PYM1: variants seen among roughly 807,000 people sequenced by gnomAD.
PYM1 encodes the protein partner of Y14 and mago.
A neutral mutation model predicts 20.7 loss-of-function variants in PYM1; 7 were observed. That is an observed-to-expected ratio of 0.34 (90% CI 0.19 to 0.64). The LOEUF (loss-of-function observed/expected upper bound fraction) is 0.64, where lower values mean the gene tolerates loss of function less well. Among genes scored for constraint, PYM1 ranks in the 30% least tolerant of loss-of-function variants. The probability of loss-of-function intolerance (pLI) is 0.74; values close to 1 mark genes in which losing one functional copy is unlikely to be tolerated. For missense variants in PYM1, 194 were observed against 250.0 expected (o/e 0.78, Z 1.51); for synonymous variants, 100 against 99.2 (o/e 1.01, Z -0.05).
At chr12:55,912,216 G>A (rs1352934598) in intron 1 of PYM1, among the ~76,000 whole-genome samples, 1 of 151,812 alleles carries the variant, frequency 6.6e-6, no homozygotes, top group Non-Finnish European at 1.5e-5. Flanking sequence ...GCTGGGCATG[G>A]TGGTGCATGC....
intron 1 of PYM1, among the ~76,000 whole-genome samples, chr12:55,922,472 C>T (rs897816665): frequency 9.1e-6 from 1 of 110,496 alleles, no homozygotes; most frequent in Admixed American, 9.6e-5. Flanking sequence ...AAAAAATTAG[C>T]TGGTCATGAT....
chr12:55,918,289 A>G (rs976830842), intron 1 of PYM1, among the ~76,000 whole-genome samples: 1 of 151,776 alleles, frequency 6.6e-6, no homozygotes, highest in African/African-American at 2.4e-5. Flanking sequence ...TTTAGTAGAG[A>G]TGGGGTTTCA....
intron 1 of PYM1, among the ~76,000 whole-genome samples, chr12:55,926,110 C>A (rs965555432): frequency 2.6e-5 from 4 of 152,194 alleles, no homozygotes; most frequent in African/African-American, 9.7e-5. Flanking sequence ...CTTCTACAGA[C>A]TACAGACTAC....
At chr12:55,923,591 AATG>A (rs1287361071) in intron 1 of PYM1, among the ~76,000 whole-genome samples, 1 of 151,854 alleles carries the variant, frequency 6.6e-6, no homozygotes, top group African/African-American at 2.4e-5. Context: ...AAACTAATGA[AATG>A]ATGTATGGAT....
chr12:55,906,679 G>A (rs995935498), intron 1 of PYM1, among the ~76,000 whole-genome samples: 4 of 151,828 alleles, frequency 2.6e-5, no homozygotes, highest in Non-Finnish European at 4.4e-5. Flanking sequence ...ATGGAGTTTC[G>A]CTCTTGTTGC....
chr12:55,912,790 C>T (rs1165988324), intron 1 of PYM1, among the ~76,000 whole-genome samples: 1 of 151,722 alleles, frequency 6.6e-6, no homozygotes, highest in East Asian at 1.9e-4. Flanking sequence ...CATGGAGAAA[C>T]CCCATTTCTA....
At chr12:55,904,218 C>T (rs557777692) in intron 1 of PYM1, among the ~76,000 whole-genome samples, 9 of 151,932 alleles carry the variant, frequency 5.9e-5, no homozygotes, top group Non-Finnish European at 8.8e-5. Flanking sequence ...CCGCCCGCCT[C>T]GGCCTCCCAA....
At chr12:55,919,892 CA>C (rs34105681) in intron 1 of PYM1, among the ~76,000 whole-genome samples, 1 of 146,770 alleles carries the variant, frequency 6.8e-6, no homozygotes, top group Admixed American at 6.8e-5. Context: ...GACTCCGTCT[CA>C]AAAAAAAAAG....
At chr12:55,918,027 G>A (rs777466200) in intron 1 of PYM1, among the ~76,000 whole-genome samples, 1 of 151,476 alleles carries the variant, frequency 6.6e-6, no homozygotes, top group Non-Finnish European at 1.5e-5. Flanking sequence ...CTGGGTGATG[G>A]GATCACTCAT....
intron 1 of PYM1, among the ~76,000 whole-genome samples, chr12:55,905,137 G>T (rs1240917205): frequency 6.6e-6 from 1 of 150,716 alleles, no homozygotes; most frequent in Non-Finnish European, 1.5e-5. Context: ...GAGTAGCTGG[G>T]ACTACAGGCG....
intron 1 of PYM1, among the ~76,000 whole-genome samples, chr12:55,908,167 C>T (rs1882857905): frequency 6.6e-6 from 1 of 151,798 alleles, no homozygotes; most frequent in Non-Finnish European, 1.5e-5. Context: ...CACTTGAACC[C>T]GGGAGGTGGA....
intron 1 of PYM1, among the ~76,000 whole-genome samples, chr12:55,907,463 CAAAA>C (rs770960966): frequency 1.9e-5 from 1 of 52,000 alleles, no homozygotes; most frequent in Non-Finnish European, 4.3e-5. Context: ...TACATAAATA[CAAAA>C]AAAAAAAAAA....
At chr12:55,913,191 A>G (rs949634581) in intron 1 of PYM1, among the ~76,000 whole-genome samples, 4 of 152,166 alleles carry the variant, frequency 2.6e-5, no homozygotes, top group Admixed American at 2.6e-4. Flanking sequence ...CTTTCTGTGC[A>G]CTCGCAGCAC....
chr12:55,912,730 G>A (rs193299598), intron 1 of PYM1, among the ~76,000 whole-genome samples: 95 of 152,126 alleles, frequency 6.2e-4, no homozygotes, highest in African/African-American at 2.0e-3. Flanking sequence ...TTTGGGAGGC[G>A]GAGGCGGGTG....
At chr12:55,922,199 C>G (rs1002803528) in intron 1 of PYM1, among the ~76,000 whole-genome samples, 1 of 152,054 alleles carries the variant, frequency 6.6e-6, no homozygotes, top group Non-Finnish European at 1.5e-5. Context: ...GCACAACTCT[C>G]TACTCCTTAT....
chr12:55,922,656 T>A (rs1883118990), intron 1 of PYM1, among the ~76,000 whole-genome samples: 2 of 152,012 alleles, frequency 1.3e-5, no homozygotes, highest in Non-Finnish European at 2.9e-5. Context: ...ATCATTGTGA[T>A]ACTATGTACC....
At chr12:55,925,373 G>A (rs576837230) in intron 1 of PYM1, among the ~76,000 whole-genome samples, 1 of 152,256 alleles carries the variant, frequency 6.6e-6, no homozygotes, top group African/African-American at 2.4e-5. Flanking sequence ...TAAAGTGATG[G>A]GGAGCAGCTG....
chr12:55,907,112 ATATATG>A lies in PYM1; in HGVS notation c.38-3638_38-3633del, dbSNP rs919951261. 1.3e-3 allele frequency among the ~76,000 whole-genome samples: 203 copies of A among 151,528 alleles called. 2 individuals carry two copies. The highest frequency in any genetic ancestry group is 1.4e-3 in the East Asian group (7 of 5,162). On this transcript the variant is annotated intron_variant, in intron 1 of 2. Coordinates refer to ENST00000408946, the MANE Select transcript of PYM1 (RefSeq NM_032345.3). ...AGAAAGTTAACATATATATATATATATATATGTTTTGTTGTAGCTCTCTTATTTTAA... is the reference window on the plus strand; with the variant it reads ...AGAAAGTTAACATATATATATATATATTTTGTTGTAGCTCTCTTATTTTAA...
intron 1 of PYM1, among the ~76,000 whole-genome samples, chr12:55,905,260 C>T (rs1882775238): frequency 6.6e-6 from 1 of 151,366 alleles, no homozygotes; most frequent in Non-Finnish European, 1.5e-5. Flanking sequence ...CCGCCTGCCT[C>T]AGCCTCCCAA....
Sources: allele counts gnomAD v4.1 joint callset (sites outside exome capture counted in the v4.1 genomes callset), GRCh38; gene constraint gnomAD v4.1.1; transcripts MANE v1.5; gene names NCBI Gene and HGNC (gene_info 2026-07-23, HGNC 2026-07-21).